Variants in FCRL5 observed in about 807,000 individuals in gnomAD.
The protein encoded by FCRL5 is Fc receptor like 5.
In FCRL5, 79 loss-of-function variants were observed where a neutral mutation model predicts 92.1. The observed-to-expected ratio is 0.86, with a 90% CI of 0.72 to 1.03. FCRL5 has a LOEUF of 1.03. Ranked by LOEUF, FCRL5 falls within the 50% of genes least tolerant of loss-of-function variation. The pLI, the probability that FCRL5 is intolerant of heterozygous loss-of-function variation, is 0.00. For missense variants in FCRL5, 1,160 were observed against 1,181.1 expected, an observed-to-expected ratio of 0.98 and a Z score of 0.26; for synonymous variants, 466 against 469.3, an observed-to-expected ratio of 0.99 and a Z score of 0.09.
At chr1:157,533,144 G>A (rs1650775198) in intron 8 of FCRL5, 1 of 152,016 alleles carries the variant, frequency 6.6e-6, no homozygotes, top group East Asian at 1.9e-4. Context: ...TAACCTCAAA[G>A]TCAATAACGT....
chr1:157,543,573 G>A (rs1408686433), intron 5 of FCRL5, among the ~76,000 whole-genome samples: 1 of 152,116 alleles, frequency 6.6e-6, no homozygotes, highest in Admixed American at 6.5e-5. Context: ...GCCAGCCAGG[G>A]CCAGAGTTGG....
Position 157,547,071 on chromosome 1 carries a change from C to T in FCRL5, c.179G>A (p.Arg60Gln), listed in dbSNP as rs149742136. The T allele has an allele frequency of 5.9e-3, 9,462 of 1,614,166 alleles. 49 individuals are homozygous for T. Among genetic ancestry groups the T allele is most frequent in the South Asian group, 9.9e-3 (900 of 91,078 alleles). ...TCTTAGTATTTCTTTCCCAAGGTAC[C>T]GATGGTACCATTTTGTTTTCTGTGG... is the stretch of plus-strand genomic sequence containing the variant. Reference protein sequence around the residue: ...YSPQKTKWYHRYLGKEILRET... With the variant: ...YSPQKTKWYHQYLGKEILRET... The change falls in exon 3 of 17, where the codon CGG becomes CAG. Residue 60 changes from arginine (R) to glutamine (Q), a missense_variant. Coordinates refer to ENST00000361835, the MANE Select transcript of FCRL5 (RefSeq NM_031281.3).
chr1:157,538,634 T>C (rs1651091678), intron 7 of FCRL5, among the ~76,000 whole-genome samples: 1 of 152,244 alleles, frequency 6.6e-6, no homozygotes, highest in Admixed American at 6.5e-5. Flanking sequence ...TTAACTGTGA[T>C]CCAGCGACTT....
rs199866364 is a variant in FCRL5, at chr1:157,527,682, T to C, written c.1895A>G (p.Tyr632Cys). ...LSLTAEHSGN[Y>C]SCEANNGLVA... ...TAGGCCATTGTTGGCCTCACATGAG[T>C]AGTTTCCAGAATGTTCTGCAGTCAG... Residue 632 changes from tyrosine (Y) to cysteine (C), a missense_variant, in exon 9 of 17, where the codon TAC becomes TGC. Coordinates refer to ENST00000361835, the MANE Select transcript of FCRL5 (RefSeq NM_031281.3). 4 of 1,614,032 alleles carry C rather than the reference T, an allele frequency of 2.5e-6. No individual in the cohort carries two copies.
Position 157,518,697 on chromosome 1 carries a change from C to T in FCRL5, c.2743+3G>A, listed in dbSNP as rs6663265. On this transcript the variant is annotated splice_donor_region_variant and intron_variant, in intron 14 of 16. Transcript: ENST00000361835. ...TGCCAAATGCAGGATCCTCGGGCCT[C>T]ACCATTAGTGTACACTGGTTGCAGC... 0.035 allele frequency: 55,839 copies of T among 1,609,652 alleles called. 7,399 individuals carry two copies. The African/African-American group carries it at 0.43, about 12-fold the overall frequency.
At chr1:157,531,974 T>A (rs1650715629) in intron 8 of FCRL5, 1 of 152,190 alleles carries the variant, frequency 6.6e-6, no homozygotes, top group South Asian at 2.1e-4. Context: ...GGCTTTTGAA[T>A]GTTTTTATTC....
chr1:157,514,141 T>G lies in FCRL5; in HGVS notation c.*1534A>C, dbSNP rs1649826350. On this transcript the variant is annotated 3_prime_UTR_variant, in exon 17 of 17. Transcript: ENST00000361835. ...ATGAAAAGCCATGGTTCAGGTGGAG[T>G]GAGCTTCCAATGCCCTTGGAAGGAT... 2 of 152,062 alleles carry G rather than the reference T, an allele frequency of 1.3e-5. No individual in the cohort carries two copies. The highest frequency in any genetic ancestry group is 6.6e-5 in the Admixed American group (1 of 15,258). The allele number at this position is 152,062 out of a possible 1,614,324, so 9.4% of individuals were successfully genotyped here.
chr1:157,542,926 G>A lies in FCRL5; in HGVS notation c.1056C>T (p.Asn352=), dbSNP rs1205242341. The A allele has an allele frequency of 1.2e-6, 2 of 1,614,180 alleles. No homozygotes were observed. Among genetic ancestry groups the A allele is most frequent in the South Asian group, 2.2e-5 (2 of 91,088 alleles). Residue 352 remains asparagine, a synonymous_variant, in exon 6 of 17, where the codon AAC becomes AAT. Transcript: ENST00000361835. ...SFSLTTENSG[N]YYCTADNGLG... ...GGCCATTGTCAGCTGTGCAGTAGTA[G>A]TTCCCTGAATTCTCTGTAGTCAGTG...
chr1:157,537,194 T>C (rs1340426225), intron 7 of FCRL5, among the ~76,000 whole-genome samples: 10 of 152,216 alleles, frequency 6.6e-5, no homozygotes, highest in Non-Finnish European at 1.5e-4. Flanking sequence ...CAGAGTCATA[T>C]TTTTCTTCTT....
Position 157,519,734 on chromosome 1 carries a change from A to G in FCRL5, c.2660+9T>C. On this transcript the variant is annotated intron_variant, in intron 13 of 16. Coordinates refer to ENST00000361835, the MANE Select transcript of FCRL5 (RefSeq NM_031281.3). Reference sequence around the variant, plus strand: ...CACTAATCACACAGGAATGCAGCTCAGCTCTTACCTGGCGGGGTCAGAGGC... The same window carrying G: ...CACTAATCACACAGGAATGCAGCTCGGCTCTTACCTGGCGGGGTCAGAGGC... 1 of 1,613,714 alleles carries G rather than the reference A, an allele frequency of 6.2e-7. No homozygotes were observed. The highest frequency in any genetic ancestry group is 8.5e-7 in the Non-Finnish European group (1 of 1,179,658).
chr1:157,538,978 T>A (rs1651109924), intron 7 of FCRL5, 108 bp downstream of exon 7: 1 of 1,261,948 alleles, frequency 7.9e-7, no homozygotes, highest in East Asian at 2.3e-5. Flanking sequence ...TTAGGTTGTT[T>A]CAAGAAAGAA....
intron 1 of FCRL5, among the ~76,000 whole-genome samples, 175 bp from the exon 2 acceptor site, chr1:157,549,755 C>CAT (rs1379376554): frequency 1.3e-5 from 2 of 151,674 alleles, no homozygotes; most frequent in East Asian, 1.9e-4. Flanking sequence ...CATATATATA[C>CAT]ATATATATAT....
chr1:157,537,828 G>A (rs1414000550), intron 7 of FCRL5, among the ~76,000 whole-genome samples: 6 of 152,158 alleles, frequency 3.9e-5, no homozygotes, highest in East Asian at 1.9e-4. Context: ...AATTTCCCCC[G>A]ATATCATCTC....
intron 6 of FCRL5, chr1:157,541,990 C>G (rs1159459132): frequency 6.4e-6 from 1 of 156,054 alleles, no homozygotes; most frequent in African/African-American, 2.4e-5. Flanking sequence ...CCGCTGGGTT[C>G]CCTGGTCCTC....
chr1:157,516,194 G>A (rs1469036830), intron 15 of FCRL5: 10 of 443,982 alleles, frequency 2.3e-5, no homozygotes, highest in African/African-American at 4.0e-5. Flanking sequence ...TTCTGGGAAG[G>A]TGTGGTGGGT....
At chr1:157,539,026 G>T in intron 7 of FCRL5, 60 bp downstream of exon 7, 3 of 1,560,090 alleles carry the variant, frequency 1.9e-6, no homozygotes, top group South Asian at 2.4e-5. Flanking sequence ...ACTTCTGAAG[G>T]GTTGGGTAAG....
At chr1:157,549,470 T>C in intron 2 of FCRL5, 90 bp downstream of exon 2, 2 of 1,196,854 alleles carry the variant, frequency 1.7e-6, no homozygotes, top group Admixed American at 2.2e-5. Context: ...ATATTGGAGA[T>C]CTCAGGCAGC....
At chr1:157,525,232 ATGTG>A (rs1650375236) in intron 9 of FCRL5, among the ~76,000 whole-genome samples, 1 of 152,266 alleles carries the variant, frequency 6.6e-6, no homozygotes, top group South Asian at 2.1e-4. Flanking sequence ...TATGAAATGT[ATGTG>A]TTAGTCAAGG....
At position 157,518,952 on chromosome 1, in the gene FCRL5, T is replaced by C. The variant is rs79861428; in HGVS notation, c.2661-170A>G. ...TCTATTATGAATCATAATCATATTATATATGTTTCCAGGCTTTCTGGTCAT... is the reference window on the plus strand; with the variant it reads ...TCTATTATGAATCATAATCATATTACATATGTTTCCAGGCTTTCTGGTCAT... On this transcript the variant is annotated intron_variant, in intron 13 of 16. Transcript: ENST00000361835. The C allele has an allele frequency of 3.6e-4, 189 of 518,808 alleles. 1 individual carries two copies. In the East Asian group the frequency reaches 5.8e-3, roughly 16 times the overall value. 32.1% of individuals were successfully genotyped at this position (518,808 alleles called of 1,614,324 possible).
Sources: allele counts gnomAD v4.1 joint callset (sites outside exome capture counted in the v4.1 genomes callset), GRCh38; gene constraint gnomAD v4.1.1; transcripts MANE v1.5; gene names NCBI Gene and HGNC (gene_info 2026-07-23, HGNC 2026-07-21).